Variants in PITPNC1 observed in about 807,000 individuals in gnomAD.
PITPNC1 encodes the protein phosphatidylinositol transfer protein cytoplasmic 1, also known as cytoplasmic phosphatidylinositol transfer protein 1.
Under a neutral mutation model 44.7 loss-of-function variants are expected in PITPNC1, and 18 were observed. The observed-to-expected ratio is 0.40, with a 90% CI of 0.28 to 0.60. The LOEUF (loss-of-function observed/expected upper bound fraction) is 0.60, where lower values mean the gene tolerates loss of function less well. Among genes scored for constraint, PITPNC1 ranks in the 20% least tolerant of loss-of-function variants. The pLI is 0.39. For synonymous variants in PITPNC1, 141 were observed against 149.6 expected (o/e 0.94, Z 0.42); for missense variants, 290 against 418.4 (o/e 0.69, Z 2.68).
At chr17:67,506,930 C>T (rs999746410) in intron 1 of PITPNC1, among the ~76,000 whole-genome samples, 3 of 152,070 alleles carry the variant, frequency 2.0e-5, no homozygotes, top group Non-Finnish European at 4.4e-5. Context: ...TTGTCTATTT[C>T]TGGATTTGTT....
At chr17:67,530,532 A>C (rs2040447835) in intron 1 of PITPNC1, among the ~76,000 whole-genome samples, 1 of 152,078 alleles carries the variant, frequency 6.6e-6, no homozygotes, top group Non-Finnish European at 1.5e-5. Context: ...TCATTGTAAC[A>C]TGATTACTTC....
At chr17:67,675,390 C>A in intron 7 of PITPNC1, 89 bp from the exon 8 acceptor site, 2 of 937,090 alleles carry the variant, frequency 2.1e-6, no homozygotes, top group Admixed American at 1.7e-5. Flanking sequence ...TCTGTAATCA[C>A]CAAGATCCCC....
intron 1 of PITPNC1, among the ~76,000 whole-genome samples, chr17:67,398,793 C>T (rs1014271359): frequency 6.6e-6 from 1 of 151,998 alleles, no homozygotes; most frequent in African/African-American, 2.4e-5. Flanking sequence ...TTTCATTGCA[C>T]GTCACAATCC....
intron 1 of PITPNC1, among the ~76,000 whole-genome samples, chr17:67,475,933 T>TA (rs1193245399): frequency 1.3e-5 from 2 of 152,110 alleles, no homozygotes; most frequent in African/African-American, 4.8e-5. Context: ...GTCTCTAACG[T>TA]AAAAAAACCC....
At chr17:67,561,749 C>T (rs1048926034) in intron 4 of PITPNC1, among the ~76,000 whole-genome samples, 2 of 152,158 alleles carry the variant, frequency 1.3e-5, no homozygotes, top group Non-Finnish European at 2.9e-5. Context: ...CCATTCCCAT[C>T]TCTGTTATTA....
intron 1 of PITPNC1, among the ~76,000 whole-genome samples, chr17:67,434,785 G>T (rs1433130089): frequency 5.2e-5 from 7 of 134,252 alleles, no homozygotes; most frequent in Admixed American, 8.2e-5. Flanking sequence ...ACAACAGAGT[G>T]AGACTCTGCC....
At chr17:67,393,533 A>T (rs772109557) in intron 1 of PITPNC1, among the ~76,000 whole-genome samples, 7 of 152,240 alleles carry the variant, frequency 4.6e-5, no homozygotes, top group Non-Finnish European at 8.8e-5. Context: ...TCAAAGGAAG[A>T]AAATGACAAC....
At chr17:67,423,379 G>C (rs991438564) in intron 1 of PITPNC1, among the ~76,000 whole-genome samples, 3 of 152,186 alleles carry the variant, frequency 2.0e-5, no homozygotes, top group African/African-American at 7.2e-5. Flanking sequence ...GGGAGAGGGG[G>C]ATGATATTTG....
At chr17:67,481,731 G>T (rs2039705245) in intron 1 of PITPNC1, among the ~76,000 whole-genome samples, 1 of 150,778 alleles carries the variant, frequency 6.6e-6, no homozygotes, top group Non-Finnish European at 1.5e-5. Flanking sequence ...TTTCCTTTTG[G>T]AATTAATCAT....
intron 1 of PITPNC1, among the ~76,000 whole-genome samples, chr17:67,451,173 A>G (rs1250217735): frequency 6.6e-6 from 1 of 151,930 alleles, no homozygotes; most frequent in Non-Finnish European, 1.5e-5. Flanking sequence ...CTGGGACTAC[A>G]CGCGCGCGCC....
At chr17:67,503,605 A>G (rs1435435982) in intron 1 of PITPNC1, among the ~76,000 whole-genome samples, 1 of 152,210 alleles carries the variant, frequency 6.6e-6, no homozygotes, top group Non-Finnish European at 1.5e-5. Context: ...ATTAGCGTGC[A>G]TGGGAGGAAA....
At chr17:67,385,353 GACCAATCAGTGCTCAGTAAAATGC>G (rs1397306758) in intron 1 of PITPNC1, among the ~76,000 whole-genome samples, 5 of 152,140 alleles carry the variant, frequency 3.3e-5, no homozygotes, top group Non-Finnish European at 7.3e-5. Context: ...TTGTAAAATG[GACCAATCAGTGCTCAGTAAAATGC>G]ACCAATCAGT....
chr17:67,647,462 GGGTTTT>G (rs1173691027), intron 6 of PITPNC1, among the ~76,000 whole-genome samples: 35 of 96,266 alleles, frequency 3.6e-4, no homozygotes, highest in African/African-American at 1.8e-3. Context: ...AGCTAATTTT[GGGTTTT>G]TTTTTTTTTT....
chr17:67,433,727 G>A (rs567205735), intron 1 of PITPNC1, among the ~76,000 whole-genome samples: 10 of 152,120 alleles, frequency 6.6e-5, no homozygotes, highest in South Asian at 2.1e-4. Flanking sequence ...ATAGAAATAA[G>A]AAAAAGAGGA....
intron 1 of PITPNC1, among the ~76,000 whole-genome samples, chr17:67,412,712 G>A (rs998936499): frequency 4.6e-5 from 7 of 151,956 alleles, no homozygotes; most frequent in Admixed American, 6.6e-5. Context: ...GATTACAGGC[G>A]CCCACCACCA....
chr17:67,394,331 C>CTT, intron 1 of PITPNC1, among the ~76,000 whole-genome samples: 1 of 152,056 alleles, frequency 6.6e-6, no homozygotes, highest in Non-Finnish European at 1.5e-5. Context: ...GCCTGGCCTT[C>CTT]TTTAACCTTT....
intron 1 of PITPNC1, among the ~76,000 whole-genome samples, chr17:67,425,101 A>G (rs1358068285): frequency 1.3e-5 from 2 of 151,842 alleles, no homozygotes; most frequent in African/African-American, 2.4e-5. Flanking sequence ...CAAAACCTGT[A>G]AGAACTAATG....
chr17:67,443,485 C>T (rs971202155), intron 1 of PITPNC1, among the ~76,000 whole-genome samples: 1 of 151,750 alleles, frequency 6.6e-6, no homozygotes, highest in Non-Finnish European at 1.5e-5. Context: ...AGTTCCACTG[C>T]CAGCTCCTTG....
chr17:67,456,045 G>C (rs8075966), intron 1 of PITPNC1, among the ~76,000 whole-genome samples: 3,327 of 152,208 alleles, frequency 0.022, 123 homozygotes, highest in African/African-American at 0.075. Flanking sequence ...ACACATTCCA[G>C]ATTCAAAAAC....
Sources: gnomAD v4.1 joint callset for allele counts (sites outside exome capture counted in the v4.1 genomes callset) on GRCh38, gnomAD v4.1.1 for gene constraint, MANE v1.5 for transcripts, NCBI Gene and HGNC (gene_info 2026-07-23, HGNC 2026-07-21) for gene names.